Variants in PRRT1 observed in about 807,000 individuals in gnomAD.
The protein encoded by PRRT1 is proline rich transmembrane protein 1, also known as proline-rich transmembrane protein 1.
PRRT1 carries 8 observed loss-of-function variants against 22.6 expected under a neutral mutation model. That is an observed-to-expected ratio of 0.35 (90% CI 0.21 to 0.64). PRRT1 has a LOEUF of 0.64. PRRT1 is among the 30% of genes least tolerant of loss of function. PRRT1 has a pLI of 0.69. For missense variants in PRRT1, 315 were observed against 444.5 expected (o/e 0.71, Z 2.62); for synonymous variants, 176 against 203.6 (o/e 0.86, Z 1.15).
upstream of PRRT1, chr6:32,152,000 G>GGGGTTAA: frequency 2.9e-6 from 1 of 350,440 alleles, no homozygotes; most frequent in Non-Finnish European, 5.7e-6. Flanking sequence ...GGGAGGGGGG[G>GGGGTTAA]AGCTTAAAGG....
In PRRT1 at chr6:32,148,496, G is replaced by C. The variant is rs1360531508; in HGVS notation, c.*726C>G. On this transcript the variant is annotated 3_prime_UTR_variant, in exon 4 of 4. Transcript: ENST00000211413. The surrounding 1 kb of genome is among the most constrained non-coding windows in gnomAD (Gnocchi z 5.7). ...CCATAGCCTGGATTCCCTTCTGCCC[G>C]GCTGCCCAGGGGCTGGGATGGGTGG... is the stretch of plus-strand genomic sequence containing the variant. 3.5e-6 allele frequency: 1 copy of C among 288,564 alleles called. No individual in the cohort carries two copies. Among genetic ancestry groups the C allele is most frequent in the South Asian group, 3.4e-5 (1 of 29,716 alleles). 17.9% of individuals were successfully genotyped at this position (288,564 alleles called of 1,614,324 possible). A position where few individuals can be genotyped will look rare whatever the true frequency, so the allele number is the denominator to read the frequency against.
Position 32,149,114 on chromosome 6 carries a change from G to C in PRRT1, c.*108C>G. On this transcript the variant is annotated 3_prime_UTR_variant, in exon 4 of 4. Coordinates refer to ENST00000211413, the MANE Select transcript of PRRT1 (RefSeq NM_030651.4). This position sits in a 1 kb window ranked among gnomAD's most constrained non-coding sequence, Gnocchi z 8.7. ...CGGAGTTTACGATGTATCCAAGTCT[G>C]ACGGCCCCAGAAACGGGTGTGCAGG... is the stretch of plus-strand genomic sequence containing the variant. 2 of 1,179,416 alleles carry C rather than the reference G, an allele frequency of 1.7e-6. No individual in the cohort carries two copies. The highest frequency in any genetic ancestry group is 2.5e-6 in the Non-Finnish European group (2 of 803,112). 73.1% of individuals were successfully genotyped at this position (1,179,416 alleles called of 1,614,324 possible). A position where few individuals can be genotyped will look rare whatever the true frequency, so the allele number is the denominator to read the frequency against.
Position 32,149,246 on chromosome 6 carries a change from G to T in PRRT1, c.897C>A (p.His299Gln), listed in dbSNP as rs1454486413. 1.9e-6 allele frequency: 3 copies of T among 1,611,738 alleles called. No homozygotes were observed. Among genetic ancestry groups the T allele is most frequent in the Admixed American group, 1.7e-5 (1 of 59,940 alleles). ...TTTAGGGATCCCAGTAGTTCTCGTG[G>T]TGCTGCGCGGCGATGATGATGACTA... is the stretch of plus-strand genomic sequence containing the variant. ...LTVVIIIAAQHHENYWDP is the reference protein window; with the variant it reads ...LTVVIIIAAQQHENYWDP Residue 299 changes from histidine (H) to glutamine (Q), a missense_variant, in exon 4 of 4, where the codon CAC becomes CAA. This residue lies in a region of PRRT1 where 24 missense variants were observed against 38.2 expected (regional missense o/e 0.63). Coordinates refer to ENST00000211413, the MANE Select transcript of PRRT1 (RefSeq NM_030651.4). This position sits in a 1 kb window ranked among gnomAD's most constrained non-coding sequence, Gnocchi z 8.7.
chr6:32,149,751 CATCA>C lies in PRRT1; in HGVS notation c.559-33_559-30del. On this transcript the variant is annotated intron_variant, in intron 2 of 3. Transcript: ENST00000211413. This position sits in a 1 kb window ranked among gnomAD's most constrained non-coding sequence, Gnocchi z 8.7. ...TGGAAGGAAATTTGGGGGGCAGGGG[CATCA>C]CTCTGACCCTCTCCCAGCCTACCAG... 2.1e-6 allele frequency: 3 copies of C among 1,451,114 alleles called. No homozygotes were observed. Among genetic ancestry groups the C allele is most frequent in the Non-Finnish European group, 2.8e-6 (3 of 1,076,280 alleles). The allele number at this position is 1,451,114 out of a possible 1,614,324, so 89.9% of individuals were successfully genotyped here. A position where few individuals can be genotyped will look rare whatever the true frequency, so the allele number is the denominator to read the frequency against.
At chr6:32,151,252 T>G (rs1783255747) in intron 1 of PRRT1, 2 of 563,072 alleles carry the variant, frequency 3.6e-6, no homozygotes, top group Non-Finnish European at 6.4e-6. Flanking sequence ...GCTAGTCCTG[T>G]GTGTGCGTAT....
chr6:32,151,263 G>A (rs1220109828), intron 1 of PRRT1: 5 of 541,240 alleles, frequency 9.2e-6, no homozygotes, highest in Non-Finnish European at 1.7e-5. Flanking sequence ...GTGTGCGTAT[G>A]CGTAGACATG....
In PRRT1 at chr6:32,151,401, C is replaced by G. The variant is rs11968162; in HGVS notation, c.19+408G>C. 368 of 417,262 alleles carry G rather than the reference C, an allele frequency of 8.8e-4. 3 individuals are homozygous for G. Among genetic ancestry groups the G allele is most frequent in the African/African-American group, 6.7e-3 (328 of 49,320 alleles). 25.8% of individuals were successfully genotyped at this position (417,262 alleles called of 1,614,324 possible). A position where few individuals can be genotyped will look rare whatever the true frequency, so the allele number is the denominator to read the frequency against. The stretch of plus-strand genomic sequence containing the variant: ...AGCCTCTGTGAGAATCTCGGGACCT[C>G]TTTTAGGGCAGATTAAGAAGAGCCC... On this transcript the variant is annotated intron_variant, in intron 1 of 3. Coordinates refer to ENST00000211413, the MANE Select transcript of PRRT1 (RefSeq NM_030651.4).
In PRRT1 at chr6:32,148,924, C is replaced by T; in HGVS notation, c.*298G>A. 3 of 668,290 alleles carry T rather than the reference C, an allele frequency of 4.5e-6. No homozygotes were observed. The highest frequency in any genetic ancestry group is 2.8e-6 in the Non-Finnish European group (1 of 363,214). The allele number at this position is 668,290 out of a possible 1,614,324, so 41.4% of individuals were successfully genotyped here. A position where few individuals can be genotyped will look rare whatever the true frequency, so the allele number is the denominator to read the frequency against. ...TTTTAGGGACCAAACCGAGGTTGCT[C>T]GGTTGGGGGCGCTACACTTTGAGGG... On this transcript the variant is annotated 3_prime_UTR_variant, in exon 4 of 4. Coordinates refer to ENST00000211413, the MANE Select transcript of PRRT1 (RefSeq NM_030651.4). The surrounding 1 kb of genome is among the most constrained non-coding windows in gnomAD (Gnocchi z 5.7).
At chr6:32,151,495 T>C (rs1783274495) in intron 1 of PRRT1, 1 of 518,846 alleles carries the variant, frequency 1.9e-6, no homozygotes, top group African/African-American at 1.9e-5. Flanking sequence ...GATGTCTCCA[T>C]GCCAGCCAGT....
At chr6:32,152,260 C>A, upstream of PRRT1, 1 of 486,262 alleles carries the variant, frequency 2.1e-6, no homozygotes, top group Non-Finnish European at 4.0e-6. Flanking sequence ...TGAACAGGTT[C>A]TCAGTGGAGT....
In PRRT1 at chr6:32,148,683, C is replaced by A; in HGVS notation, c.*539G>T. 2.5e-6 allele frequency: 1 copy of A among 403,092 alleles called. No homozygotes were observed. 25.0% of individuals were successfully genotyped at this position (403,092 alleles called of 1,614,324 possible). The stretch of plus-strand genomic sequence containing the variant: ...TGGGTGGAGGAGGGACAAAAATGTA[C>A]TTGCAAAAAACAGGAGTGTGGGGGC... On this transcript the variant is annotated 3_prime_UTR_variant, in exon 4 of 4. Transcript: ENST00000211413. The surrounding 1 kb of genome is among the most constrained non-coding windows in gnomAD (Gnocchi z 5.7).
chr6:32,148,949 G>A lies in PRRT1; in HGVS notation c.*273C>T. The A allele has an allele frequency of 1.5e-6, 1 of 688,116 alleles. No homozygotes were observed. Among genetic ancestry groups the A allele is most frequent in the East Asian group, 2.8e-5 (1 of 36,198 alleles). The allele number at this position is 688,116 out of a possible 1,614,324, so 42.6% of individuals were successfully genotyped here. ...CGGTTGGGGGCGCTACACTTTGAGGGTGAGGGGGCCTGGAGCGACTGAGGG... is the reference window on the plus strand; with the variant it reads ...CGGTTGGGGGCGCTACACTTTGAGGATGAGGGGGCCTGGAGCGACTGAGGG... On this transcript the variant is annotated 3_prime_UTR_variant, in exon 4 of 4. Transcript: ENST00000211413. This position sits in a 1 kb window ranked among gnomAD's most constrained non-coding sequence, Gnocchi z 5.7.
upstream of PRRT1, among the ~76,000 whole-genome samples, chr6:32,152,373 T>C (rs1783379389): frequency 6.6e-6 from 1 of 152,194 alleles, no homozygotes; most frequent in East Asian, 1.9e-4. Context: ...TCCTCCTCTT[T>C]AGAAGAGATA....
In PRRT1 at chr6:32,150,247, C is replaced by CG; in HGVS notation, c.558+120dup. 8.0e-7 allele frequency: 1 copy of CG among 1,255,946 alleles called. No homozygotes were observed. Among genetic ancestry groups the CG allele is most frequent in the South Asian group, 1.7e-5 (1 of 57,346 alleles). 77.8% of individuals were successfully genotyped at this position (1,255,946 alleles called of 1,614,324 possible). ...GCTCCCTTCTTTCTAGGGCTTGTCCCGGGAACACTACCTGTTCCCTGCCCT... is the reference window on the plus strand; with the variant it reads ...GCTCCCTTCTTTCTAGGGCTTGTCCCGGGGAACACTACCTGTTCCCTGCCCT... On this transcript the variant is annotated intron_variant, in intron 2 of 3. Coordinates refer to ENST00000211413, the MANE Select transcript of PRRT1 (RefSeq NM_030651.4). The surrounding 1 kb of genome is among the most constrained non-coding windows in gnomAD (Gnocchi z 7.2).
At position 32,150,289 on chromosome 6, in the gene PRRT1, C is replaced by T; in HGVS notation, c.558+79G>A. 6.7e-7 allele frequency: 1 copy of T among 1,487,342 alleles called. No individual in the cohort carries two copies. Among genetic ancestry groups the T allele is most frequent in the Non-Finnish European group, 8.9e-7 (1 of 1,127,540 alleles). 92.1% of individuals were successfully genotyped at this position (1,487,342 alleles called of 1,614,324 possible). The stretch of plus-strand genomic sequence containing the variant: ...CCCTGCCCTTGTTCCTCTATCCTAC[C>T]AGCCCCCAGCGTATCCCCAATTTCA... On this transcript the variant is annotated intron_variant, in intron 2 of 3. Transcript: ENST00000211413. This position sits in a 1 kb window ranked among gnomAD's most constrained non-coding sequence, Gnocchi z 7.2.
chr6:32,149,061 G>T lies in PRRT1; in HGVS notation c.*161C>A. 1.2e-6 allele frequency: 1 copy of T among 825,270 alleles called. No homozygotes were observed. 51.1% of individuals were successfully genotyped at this position (825,270 alleles called of 1,614,324 possible). ...TCCTGAGGAACTGGATTCCGAGCTT[G>T]CTCGCAAGGCGAGACGTTCCGTGGA... On this transcript the variant is annotated 3_prime_UTR_variant, in exon 4 of 4. Transcript: ENST00000211413. This position sits in a 1 kb window ranked among gnomAD's most constrained non-coding sequence, Gnocchi z 8.7.
At chr6:32,151,163 A>G (rs929815196) in intron 1 of PRRT1, 6 of 687,918 alleles carry the variant, frequency 8.7e-6, no homozygotes, top group Non-Finnish European at 1.6e-5. Context: ...TGTCTTTTTC[A>G]TCACCATGCA....
chr6:32,150,968 G>C lies in PRRT1; in HGVS notation c.20-62C>G, dbSNP rs933956676. The C allele has an allele frequency of 1.0e-5, 14 of 1,350,770 alleles. No individual in the cohort carries two copies. In the Admixed American group the frequency reaches 2.6e-4, roughly 25 times the overall value. 83.7% of individuals were successfully genotyped at this position (1,350,770 alleles called of 1,614,324 possible). A position where few individuals can be genotyped will look rare whatever the true frequency, so the allele number is the denominator to read the frequency against. On this transcript the variant is annotated intron_variant, in intron 1 of 3. Transcript: ENST00000211413. The surrounding 1 kb of genome is among the most constrained non-coding windows in gnomAD (Gnocchi z 7.2). ...GATGACACAGTGATGAGTTGAGGAG[G>C]GGGTAAGGGGAAACACAGCCGGTCA...
chr6:32,151,197 A>G (rs2127379089), intron 1 of PRRT1: 1 of 655,686 alleles, frequency 1.5e-6, no homozygotes, highest in South Asian at 1.6e-5. Flanking sequence ...TGCAGACCTA[A>G]TCCCCTCTCC....
Sources: gnomAD v4.1 joint callset for allele counts (sites outside exome capture counted in the v4.1 genomes callset) on GRCh38, gnomAD v4.1.1 for gene constraint, gnomAD v4.1.1 regional missense constraint, Gnocchi (gnomAD v3.1) non-coding constraint, MANE v1.5 for transcripts, NCBI Gene and HGNC (gene_info 2026-07-23, HGNC 2026-07-21) for gene names.